Variants in EPB41L3 observed in about 807,000 individuals in gnomAD.
EPB41L3 encodes the protein band 4.1-like protein 3.
EPB41L3 carries 57 observed loss-of-function variants against 127.1 expected under a neutral mutation model. That is an observed-to-expected ratio of 0.45 (90% CI 0.36 to 0.56). The LOEUF (loss-of-function observed/expected upper bound fraction) is 0.56, where lower values mean the gene tolerates loss of function less well. Ranked by LOEUF, EPB41L3 falls within the 20% of genes least tolerant of loss-of-function variation. The pLI is 0.00. For synonymous variants in EPB41L3, 572 were observed against 549.5 expected, an observed-to-expected ratio of 1.04 and a Z score of -0.57; for missense variants, 1,273 against 1,372.2, an observed-to-expected ratio of 0.93 and a Z score of 1.14.
Position 5,394,480 on chromosome 18 carries a change from A to G in EPB41L3, c.*6+197T>C, listed in dbSNP as rs2072996672. ...TCCTTTATCCTCTAACTGGCAGTGC[A>G]TGCAAAAACTCCACAAGAATGGAAG... On this transcript the variant is annotated intron_variant, in intron 22 of 22. Transcript: ENST00000341928. The G allele has an allele frequency of 5.6e-6, 3 of 532,434 alleles. No individual in the cohort carries two copies. The African/African-American group carries it at 5.7e-5, about 10-fold the overall frequency. The allele number at this position is 532,434 out of a possible 1,614,324, so 33.0% of individuals were successfully genotyped here.
At chr18:5,601,561 C>A (rs1785419) in intron 3 of EPB41L3, among the ~76,000 whole-genome samples, 1 of 152,238 alleles carries the variant, frequency 6.6e-6, no homozygotes, top group Non-Finnish European at 1.5e-5. Flanking sequence ...GCAAGACAAA[C>A]TTCTGCTGAC....
chr18:5,488,412 C>T (rs909989491), intron 2 of EPB41L3, among the ~76,000 whole-genome samples: 2 of 150,100 alleles, frequency 1.3e-5, no homozygotes, highest in Admixed American at 1.3e-4. Context: ...TGGGGCCTGT[C>T]GGGGACTGGG....
At chr18:5,452,797 TG>T (rs1568240006) in intron 3 of EPB41L3, among the ~76,000 whole-genome samples, 3 of 152,158 alleles carry the variant, frequency 2.0e-5, no homozygotes, top group East Asian at 1.9e-4. Context: ...TGTGTGTGTG[TG>T]TGTGTGTTTT....
intron 20 of EPB41L3, 126 bp from the exon 21 acceptor site, chr18:5,395,273 G>A (rs2073182515): frequency 2.4e-6 from 2 of 845,032 alleles, no homozygotes; most frequent in Non-Finnish European, 3.9e-6. Context: ...AGAGTTCTAT[G>A]GCACTTATTT....
chr18:5,402,411 AT>A (rs2074652097), intron 16 of EPB41L3, among the ~76,000 whole-genome samples: 1 of 152,090 alleles, frequency 6.6e-6, no homozygotes, highest in Non-Finnish European at 1.5e-5. Flanking sequence ...ACTGAGCTAA[AT>A]ATTATTCCTA....
At chr18:5,599,872 G>C (rs913152317) in intron 3 of EPB41L3, among the ~76,000 whole-genome samples, 1 of 152,074 alleles carries the variant, frequency 6.6e-6, no homozygotes, top group Non-Finnish European at 1.5e-5. Flanking sequence ...GTCCTTTAGA[G>C]ACGTATTTAT....
chr18:5,567,567 G>A (rs529374513), intron 3 of EPB41L3, among the ~76,000 whole-genome samples: 7 of 151,846 alleles, frequency 4.6e-5, no homozygotes, highest in Non-Finnish European at 7.4e-5. Context: ...ATCTCAGAAA[G>A]TGAGAAAGAG....
At chr18:5,398,541 A>G in intron 16 of EPB41L3, 1 of 404,220 alleles carries the variant, frequency 2.5e-6, no homozygotes, top group Non-Finnish European at 4.3e-6. Flanking sequence ...TGCTCTCAAC[A>G]TAAAGCCAAG....
intron 1 of EPB41L3, among the ~76,000 whole-genome samples, chr18:5,519,054 T>C (rs769502903): frequency 7.4e-4 from 113 of 152,192 alleles, no homozygotes; most frequent in African/African-American, 2.4e-3. Flanking sequence ...TGAATTATTA[T>C]GATGAAATTA....
intron 1 of EPB41L3, among the ~76,000 whole-genome samples, chr18:5,616,348 C>G (rs1229246455): frequency 6.6e-6 from 1 of 152,108 alleles, no homozygotes; most frequent in Non-Finnish European, 1.5e-5. Context: ...TCCCAGTCTC[C>G]CAGTCAAAAT....
chr18:5,625,985 T>C (rs988143335), intron 1 of EPB41L3, among the ~76,000 whole-genome samples: 1 of 152,030 alleles, frequency 6.6e-6, no homozygotes, highest in Non-Finnish European at 1.5e-5. Flanking sequence ...TCCATTCTGA[T>C]CTTCATTTAT....
chr18:5,568,162 A>T (rs2094231414), intron 3 of EPB41L3, among the ~76,000 whole-genome samples: 1 of 152,162 alleles, frequency 6.6e-6, no homozygotes, highest in Non-Finnish European at 1.5e-5. Context: ...TTTAAAAGAT[A>T]ACATAAAAGT....
At chr18:5,407,130 T>G in intron 15 of EPB41L3, 162 bp from the exon 16 acceptor site, 1 of 620,608 alleles carries the variant, frequency 1.6e-6, no homozygotes, top group East Asian at 2.8e-5. Context: ...CTGGTGAAAA[T>G]GTGATTTTCC....
chr18:5,618,144 C>T (rs979453493), intron 1 of EPB41L3, among the ~76,000 whole-genome samples: 2 of 152,128 alleles, frequency 1.3e-5, no homozygotes, highest in Non-Finnish European at 2.9e-5. Context: ...ATACACTTTT[C>T]AAAAAATGAC....
At chr18:5,517,776 C>A (rs929796360) in intron 1 of EPB41L3, among the ~76,000 whole-genome samples, 3 of 152,106 alleles carry the variant, frequency 2.0e-5, no homozygotes, top group Admixed American at 6.5e-5. Context: ...TTGATGTTTT[C>A]CCATCAGCAG....
intron 1 of EPB41L3, among the ~76,000 whole-genome samples, chr18:5,513,522 C>T (rs566385771): frequency 1.3e-5 from 2 of 152,264 alleles, no homozygotes; most frequent in African/African-American, 2.4e-5. Context: ...CATTGGTCTT[C>T]GCCTATTATA....
At position 5,432,398 on chromosome 18, in the gene EPB41L3, T is replaced by C. The variant is rs148480787; in HGVS notation, c.912+1071A>G. On this transcript the variant is annotated intron_variant, in intron 8 of 22. Coordinates refer to ENST00000341928, the MANE Select transcript of EPB41L3 (RefSeq NM_012307.5). ...ACCATGAAATCGGTGACTAACTCTG[T>C]CCATAAAAGTCAAACACACATCCCT... Among the ~76,000 whole-genome samples, 617 of 152,218 alleles carry C rather than the reference T, an allele frequency of 4.1e-3. 5 individuals carry two copies. Among genetic ancestry groups the C allele is most frequent in the African/African-American group, 0.014 (564 of 41,508 alleles).
chr18:5,430,731 T>C (rs2078894773), intron 8 of EPB41L3, among the ~76,000 whole-genome samples: 1 of 151,284 alleles, frequency 6.6e-6, no homozygotes, highest in African/African-American at 2.4e-5. Context: ...ACTCGACATT[T>C]TTTTTTTTTT....
intron 3 of EPB41L3, among the ~76,000 whole-genome samples, chr18:5,560,490 T>C (rs2094109151): frequency 6.6e-6 from 1 of 152,218 alleles, no homozygotes; most frequent in Non-Finnish European, 1.5e-5. Context: ...TAATTCACTT[T>C]GCAGGAAGAG....
Sources: allele counts gnomAD v4.1 joint callset (sites outside exome capture counted in the v4.1 genomes callset), GRCh38; gene constraint gnomAD v4.1.1; transcripts MANE v1.5; gene names NCBI Gene and HGNC (gene_info 2026-07-23, HGNC 2026-07-21).